The following PXT1 variants were observed in gnomAD, a reference collection of about 807,000 sequenced individuals.
PXT1 encodes peroxisomal testis-specific protein 1.
PXT1 carries 11 observed loss-of-function variants against 11.0 expected under a neutral mutation model. That is an observed-to-expected ratio of 1.00 (90% CI 0.63 to 1.66). PXT1 has a LOEUF of 1.66. PXT1 is among the 40% of genes most tolerant of loss of function. The pLI is 0.00. For missense variants in PXT1, 141 were observed against 155.5 expected (o/e 0.91, Z 0.49); for synonymous variants, 43 against 51.4 (o/e 0.84, Z 0.70).
intron 3 of PXT1, among the ~76,000 whole-genome samples, chr6:36,409,192 T>A (rs958351341): frequency 3.3e-5 from 5 of 151,708 alleles, no homozygotes; most frequent in African/African-American, 1.2e-4. Context: ...TCTCTCCTAA[T>A]CTCCCCCAAG....
intron 3 of PXT1, among the ~76,000 whole-genome samples, chr6:36,420,598 AAGAG>A (rs1426318468): frequency 6.6e-6 from 1 of 152,198 alleles, no homozygotes; most frequent in Non-Finnish European, 1.5e-5. Context: ...ACAAGAATGA[AAGAG>A]AGAGTCTTCA....
chr6:36,407,511 C>T (rs1755402577), intron 3 of PXT1, among the ~76,000 whole-genome samples: 2 of 151,512 alleles, frequency 1.3e-5, no homozygotes, highest in Non-Finnish European at 2.9e-5. Context: ...CATCCACACA[C>T]AAGTCTCAAG....
chr6:36,440,399 T>A (rs1774837667), intron 1 of PXT1, among the ~76,000 whole-genome samples: 1 of 151,966 alleles, frequency 6.6e-6, no homozygotes, highest in Non-Finnish European at 1.5e-5. Context: ...TGAAACCCCA[T>A]CTCTACTAAA....
In PXT1 at chr6:36,400,564, G is replaced by A. The variant is rs1266638457; in HGVS notation, c.190C>T (p.Pro64Ser). The change falls in exon 4 of 5, where the codon CCC becomes TCC. Residue 64 changes from proline to serine, a missense_variant. Pro to Ser is a moderately conservative substitution (Grantham distance 74). Coordinates refer to ENST00000454782, the MANE Select transcript of PXT1 (RefSeq NM_152990.4). Reference protein sequence around the residue: ...RNPDHNLLSQPKEHSIVQKHH... With the variant: ...RNPDHNLLSQSKEHSIVQKHH... ...TTCTGAACAATGCTATGCTCCTTGG[G>A]CTGAGAAAGTAGATTATGATCTGCA... is the stretch of plus-strand genomic sequence containing the variant. 6.2e-6 allele frequency: 10 copies of A among 1,613,440 alleles called. No homozygotes were observed. The highest frequency in any genetic ancestry group is 7.6e-6 in the Non-Finnish European group (9 of 1,179,748).
In PXT1 at chr6:36,401,342, C is replaced by T. The variant is rs546649714; in HGVS notation, c.170-758G>A. The stretch of plus-strand genomic sequence containing the variant: ...ATTTCATGAAGTTGACAGTTTAAAA[C>T]GTAGATTCAGGCCAGATGCAATGGC... On this transcript the variant is annotated intron_variant, in intron 3 of 4. Coordinates refer to ENST00000454782, the MANE Select transcript of PXT1 (RefSeq NM_152990.4). Among the ~76,000 whole-genome samples the T allele has an allele frequency of 2.6e-3, 390 of 152,100 alleles. 2 individuals carry two copies. The highest frequency in any genetic ancestry group is 9.0e-3 in the African/African-American group (374 of 41,512).
intron 4 of PXT1, among the ~76,000 whole-genome samples, chr6:36,394,855 G>T (rs1159401373): frequency 6.6e-6 from 1 of 151,562 alleles, no homozygotes; most frequent in African/African-American, 2.4e-5. Flanking sequence ...ATGTTGAAGT[G>T]CAGTGACACA....
At chr6:36,415,478 AAAAG>A (rs1211942464) in intron 3 of PXT1, among the ~76,000 whole-genome samples, 9 of 152,254 alleles carry the variant, frequency 5.9e-5, no homozygotes, top group African/African-American at 2.2e-4. Context: ...AAATAAAACA[AAAAG>A]AATTGCTGGT....
chr6:36,402,443 C>G (rs1774226541), intron 3 of PXT1, among the ~76,000 whole-genome samples: 1 of 152,164 alleles, frequency 6.6e-6, no homozygotes, highest in South Asian at 2.1e-4. Flanking sequence ...TGATTTTCAG[C>G]CTTGAACTCA....
chr6:36,440,702 T>C (rs1321569607), intron 1 of PXT1, among the ~76,000 whole-genome samples: 2 of 152,168 alleles, frequency 1.3e-5, no homozygotes, highest in Non-Finnish European at 2.9e-5. Context: ...ATGCTTTCTG[T>C]GAATATACAT....
At chr6:36,391,986 T>C in intron 4 of PXT1, 112 bp from the exon 5 acceptor site, 1 of 710,324 alleles carries the variant, frequency 1.4e-6, no homozygotes, top group Non-Finnish European at 2.4e-6. Context: ...CAATCCATGC[T>C]GCAAACAAGC....
intron 2 of PXT1, among the ~76,000 whole-genome samples, chr6:36,431,302 G>T (rs1774688212): frequency 6.6e-6 from 1 of 152,174 alleles, no homozygotes; most frequent in South Asian, 2.1e-4. Flanking sequence ...AATCTTTACA[G>T]CAAGCAGTGT....
intron 4 of PXT1, among the ~76,000 whole-genome samples, chr6:36,393,741 T>C (rs1453460992): frequency 6.9e-6 from 1 of 144,776 alleles, no homozygotes; most frequent in East Asian, 2.0e-4. Context: ...AAAAAAAAAG[T>C]CACCTTCTCA....
intron 3 of PXT1, among the ~76,000 whole-genome samples, chr6:36,401,835 T>G (rs1444434180): frequency 6.6e-6 from 1 of 150,490 alleles, no homozygotes; most frequent in Non-Finnish European, 1.5e-5. Flanking sequence ...TAGATCTTTA[T>G]AGTTTTTCAA....
rs758761774 is a variant in PXT1 at position 36,391,875 on chromosome 6, C to T, written c.301-1G>A. The T allele has an allele frequency of 6.3e-7, 1 of 1,576,344 alleles. No individual in the cohort carries two copies. Among genetic ancestry groups the T allele is most frequent in the Non-Finnish European group, 8.6e-7 (1 of 1,161,030 alleles). On this transcript the variant is annotated splice_acceptor_variant, in intron 4 of 4. Transcript: ENST00000454782. LOFTEE classifies it high-confidence loss of function. ...CATCTCTGCCATCCTGTTGAAGATC[C>T]TATTTGAAAAAAGGGAGACACAGAG... is the stretch of plus-strand genomic sequence containing the variant.
At chr6:36,411,152 T>G (rs534191273) in intron 3 of PXT1, among the ~76,000 whole-genome samples, 1 of 152,318 alleles carries the variant, frequency 6.6e-6, no homozygotes, top group Admixed American at 6.5e-5. Flanking sequence ...AATATTGAAC[T>G]TAATGAAATA....
chr6:36,423,221 G>C (rs1774547173), intron 3 of PXT1, among the ~76,000 whole-genome samples: 1 of 152,222 alleles, frequency 6.6e-6, no homozygotes, highest in Non-Finnish European at 1.5e-5. Flanking sequence ...GGGAGAGGTG[G>C]ACCTCCTCAA....
intron 3 of PXT1, among the ~76,000 whole-genome samples, chr6:36,413,193 C>T (rs764125646): frequency 3.4e-4 from 51 of 151,470 alleles, no homozygotes; most frequent in African/African-American, 1.2e-3. Flanking sequence ...CCGAGGTGGG[C>T]GGATCACGAG....
intron 3 of PXT1, among the ~76,000 whole-genome samples, chr6:36,410,208 T>C (rs1774351466): frequency 6.6e-6 from 1 of 151,138 alleles, no homozygotes; most frequent in Non-Finnish European, 1.5e-5. Context: ...CCCAGCACTT[T>C]GGGAGGCCGA....
intron 4 of PXT1, among the ~76,000 whole-genome samples, chr6:36,395,074 C>G (rs922594918): frequency 2.0e-5 from 3 of 152,092 alleles, no homozygotes; most frequent in Non-Finnish European, 4.4e-5. Flanking sequence ...AACTCCTGGC[C>G]TCAGCCTCCC....
Sources: allele counts gnomAD v4.1 joint callset (sites outside exome capture counted in the v4.1 genomes callset), GRCh38; gene constraint gnomAD v4.1.1; transcripts MANE v1.5; gene names NCBI Gene and HGNC (gene_info 2026-07-23, HGNC 2026-07-21).